ETS1: variants seen among roughly 807,000 people sequenced by gnomAD.
The protein encoded by ETS1 is protein C-ets-1.
ETS1 carries 15 observed loss-of-function variants against 58.6 expected under a neutral mutation model. That is an observed-to-expected ratio of 0.26 (90% confidence interval 0.17 to 0.39). The LOEUF is 0.39. ETS1 is among the 10% of genes least tolerant of loss of function. The pLI is 1.00. For synonymous variants in ETS1, 214 were observed against 218.2 expected, an observed-to-expected ratio of 0.98 and a Z score of 0.17; for missense variants, 417 against 610.5, an observed-to-expected ratio of 0.68 and a Z score of 3.34.
chr11:128,483,803 G>T (rs2135448483), intron 7 of ETS1, among the ~76,000 whole-genome samples: 1 of 152,302 alleles, frequency 6.6e-6, no homozygotes, highest in Admixed American at 6.5e-5. Flanking sequence ...ACCGCATATG[G>T]TCAGTCATTG....
At chr11:128,560,302 G>A (rs897089220) in intron 2 of ETS1, among the ~76,000 whole-genome samples, 2 of 152,084 alleles carry the variant, frequency 1.3e-5, no homozygotes, top group South Asian at 2.1e-4. Context: ...TAGTAGAGTC[G>A]GGGTTTTATC....
In ETS1 at chr11:128,464,915, G is replaced by A. The variant is rs1486409993; in HGVS notation, c.1124-1288C>T. On this transcript the variant is annotated intron_variant, in intron 8 of 9. Coordinates refer to ENST00000392668, the MANE Select transcript of ETS1 (RefSeq NM_001143820.2). This position sits in a 1 kb window ranked among gnomAD's most constrained non-coding sequence, Gnocchi z 4.1. The stretch of plus-strand genomic sequence containing the variant: ...CACCCAACCCTCTGCTGTAAGGAGA[G>A]GCACAAGTGGTCTTACGGCTTCCTT... Among the ~76,000 whole-genome samples the A allele has an allele frequency of 1.3e-5, 2 of 152,192 alleles. No individual in the cohort carries two copies. The highest frequency in any genetic ancestry group is 4.8e-5 in the African/African-American group (2 of 41,444).
intron 1 of ETS1, among the ~76,000 whole-genome samples, chr11:128,581,415 C>T (rs1864867828): frequency 6.6e-6 from 1 of 152,162 alleles, no homozygotes; most frequent in Non-Finnish European, 1.5e-5. Context: ...TGTACAAATG[C>T]TATGCCTCAA....
At chr11:128,521,821 C>A (rs1863679625) in intron 3 of ETS1, 1 of 1,014,702 alleles carries the variant, frequency 9.9e-7, no homozygotes, top group Non-Finnish European at 1.4e-6. Flanking sequence ...AATGCACCGC[C>A]CAGAAGGGAA....
chr11:128,575,303 T>C (rs1399095208), intron 1 of ETS1, among the ~76,000 whole-genome samples: 1 of 129,928 alleles, frequency 7.7e-6, no homozygotes. Context: ...TTATTGAATG[T>C]GGTTTCTCTC....
intron 3 of ETS1, among the ~76,000 whole-genome samples, chr11:128,553,373 T>G (rs918087048): frequency 6.6e-6 from 1 of 152,170 alleles, no homozygotes; most frequent in African/African-American, 2.4e-5. Context: ...TCATCTATTT[T>G]TCTCTTTCAT....
At chr11:128,566,775 A>T (rs149442621) in intron 2 of ETS1, among the ~76,000 whole-genome samples, 2,224 of 145,628 alleles carry the variant, frequency 0.015, 66 homozygotes, top group African/African-American at 0.054. Context: ...AGAGCAAGAC[A>T]CCGTCTCAAA....
rs371402444 is a variant in ETS1 at position 128,567,778 on chromosome 11, G to A, written c.69+5284C>T. Among the ~76,000 whole-genome samples, 16 of 152,158 alleles carry A rather than the reference G, an allele frequency of 1.1e-4. No homozygotes were observed. The East Asian group carries it at 1.7e-3, about 17-fold the overall frequency. On this transcript the variant is annotated intron_variant, in intron 2 of 9. Transcript: ENST00000392668. ...CTCCTGCATAGCTGGAATTACAGGC[G>A]TCCAATACCACACCCGGCTAATTTT...
At chr11:128,578,253 G>A (rs1864793202) in intron 1 of ETS1, among the ~76,000 whole-genome samples, 1 of 152,068 alleles carries the variant, frequency 6.6e-6, no homozygotes, top group African/African-American at 2.4e-5. Context: ...GGAAAAATTA[G>A]GGAGGAGAGG....
intron 3 of ETS1, chr11:128,522,225 T>TCGCCCGCGCCG: frequency 8.2e-7 from 1 of 1,216,674 alleles, no homozygotes; most frequent in Non-Finnish European, 1.0e-6. Context: ...GGTCCCAGCC[T>TCGCCCGCGCCG]CGCCCGCGCC....
chr11:128,497,702 G>T, intron 3 of ETS1: 2 of 394,508 alleles, frequency 5.1e-6, no homozygotes, highest in Non-Finnish European at 6.9e-6. Context: ...TTGCAGGCAT[G>T]TTCCCAAATT....
intron 3 of ETS1, among the ~76,000 whole-genome samples, chr11:128,508,415 T>TTA (rs1327238559): frequency 6.6e-6 from 1 of 152,212 alleles, no homozygotes; most frequent in Non-Finnish European, 1.5e-5. Flanking sequence ...AAGGAAAAAT[T>TTA]AGTAAAGATC....
At chr11:128,579,905 G>T (rs1466732127) in intron 1 of ETS1, among the ~76,000 whole-genome samples, 3 of 151,242 alleles carry the variant, frequency 2.0e-5, no homozygotes, top group African/African-American at 4.9e-5. Context: ...TTTGGCAATT[G>T]CATGGACCTC....
chr11:128,541,455 T>C (rs1864056706), intron 3 of ETS1, among the ~76,000 whole-genome samples: 1 of 152,152 alleles, frequency 6.6e-6, no homozygotes, highest in Non-Finnish European at 1.5e-5. Context: ...AATCCTCTGC[T>C]CTGTGGCAAG....
chr11:128,539,116 A>C lies in ETS1; in HGVS notation c.214+17175T>G, dbSNP rs530491505. On this transcript the variant is annotated intron_variant, in intron 3 of 9. Coordinates refer to ENST00000392668, the MANE Select transcript of ETS1 (RefSeq NM_001143820.2). ...AGCTCATATAAGAAAAAACAGGATT[A>C]AATCTTCATAACCTTGTGTTGGGCA... is the stretch of plus-strand genomic sequence containing the variant. Among the ~76,000 whole-genome samples the C allele has an allele frequency of 3.9e-5, 6 of 152,356 alleles. No homozygotes were observed. The East Asian group carries it at 1.2e-3, about 29-fold the overall frequency.
intron 3 of ETS1, among the ~76,000 whole-genome samples, chr11:128,547,434 A>G (rs574928125): frequency 6.6e-6 from 1 of 152,342 alleles, no homozygotes; most frequent in East Asian, 1.9e-4. Context: ...CAGCAGGTCT[A>G]AGACATGGCA....
chr11:128,516,871 T>G (rs565453587), intron 3 of ETS1, among the ~76,000 whole-genome samples: 1 of 152,322 alleles, frequency 6.6e-6, no homozygotes, highest in African/African-American at 2.4e-5. Context: ...TGTCTCATCA[T>G]CCTGATTATG....
chr11:128,506,771 T>C (rs187815847), intron 3 of ETS1, among the ~76,000 whole-genome samples: 1 of 152,168 alleles, frequency 6.6e-6, no homozygotes, highest in East Asian at 1.9e-4. Context: ...CACGGGCCAT[T>C]TCCAGAGGCA....
intron 8 of ETS1, among the ~76,000 whole-genome samples, chr11:128,467,755 T>A (rs151121147): frequency 6.6e-6 from 1 of 151,796 alleles, no homozygotes; most frequent in Non-Finnish European, 1.5e-5. Context: ...TGCCCGGGAG[T>A]GTCACACATC....
Sources: gnomAD v4.1 joint callset for allele counts (sites outside exome capture counted in the v4.1 genomes callset) on GRCh38, gnomAD v4.1.1 for gene constraint, Gnocchi (gnomAD v3.1) non-coding constraint, MANE v1.5 for transcripts, NCBI Gene and HGNC (gene_info 2026-07-23, HGNC 2026-07-21) for gene names.